Variants in TOGARAM2 observed in about 807,000 individuals in gnomAD.
TOGARAM2 encodes TOG array regulator of axonemal microtubules 2, also known as TOG array regulator of axonemal microtubules protein 2.
TOGARAM2 carries 85 observed loss-of-function variants against 93.3 expected under a neutral mutation model. The observed-to-expected ratio is 0.91, with a 90% CI of 0.76 to 1.09. TOGARAM2 has a LOEUF of 1.09. Ranked by LOEUF, TOGARAM2 falls within the 50% of genes least tolerant of loss-of-function variation. TOGARAM2 has a pLI of 0.00. For missense variants in TOGARAM2, 1,277 were observed against 1,334.5 expected, an observed-to-expected ratio of 0.96 and a Z score of 0.67; for synonymous variants, 593 against 552.8, an observed-to-expected ratio of 1.07 and a Z score of -1.02.
intron 1 of TOGARAM2, among the ~76,000 whole-genome samples, chr2:28,970,767 C>G (rs891251992): frequency 2.0e-5 from 3 of 152,216 alleles, no homozygotes; most frequent in Non-Finnish European, 4.4e-5. Context: ...ATGTCTCTGT[C>G]TGACTGTGGC....
chr2:28,993,911 C>T (rs577671294), intron 1 of TOGARAM2, among the ~76,000 whole-genome samples: 46 of 152,348 alleles, frequency 3.0e-4, no homozygotes, highest in Non-Finnish European at 4.8e-4. Context: ...GCTTTGTGGA[C>T]GAGAACTCCT....
intron 14 of TOGARAM2, among the ~76,000 whole-genome samples, chr2:29,032,148 A>G (rs1216002918): frequency 2.0e-5 from 3 of 152,170 alleles, no homozygotes; most frequent in African/African-American, 7.2e-5. Context: ...GTACAAATTG[A>G]ATCATTCTTC....
chr2:29,028,639 T>G (rs1215199334), intron 14 of TOGARAM2, among the ~76,000 whole-genome samples: 3 of 151,926 alleles, frequency 2.0e-5, no homozygotes, highest in Non-Finnish European at 4.4e-5. Flanking sequence ...AAAAAGCCTC[T>G]CTGGCTGCCG....
chr2:28,968,572 C>T (rs1241303909), intron 1 of TOGARAM2, among the ~76,000 whole-genome samples: 1 of 152,018 alleles, frequency 6.6e-6, no homozygotes, highest in African/African-American at 2.4e-5. Context: ...TTTGGGAGGC[C>T]AAGGTGGGTG....
chr2:29,036,787 C>T (rs749632769), intron 18 of TOGARAM2, 30 bp downstream of exon 18: 2 of 1,592,772 alleles, frequency 1.3e-6, no homozygotes, highest in Non-Finnish European at 1.7e-6. Context: ...CTGTGTGGCT[C>T]TGGTCACCAT....
intron 1 of TOGARAM2, among the ~76,000 whole-genome samples, chr2:28,957,473 G>A (rs929125314): frequency 6.6e-6 from 1 of 152,140 alleles, no homozygotes; most frequent in African/African-American, 2.4e-5. Flanking sequence ...AAGCCACTGC[G>A]CCTGGCCAAG....
rs1278533214 is a variant in TOGARAM2, at chr2:29,022,210, G to A, written c.1413G>A (p.Glu471=). 9 of 1,614,068 alleles carry A rather than the reference G, an allele frequency of 5.6e-6. No homozygotes were observed. In the Admixed American group the frequency reaches 8.3e-5, roughly 15 times the overall value. Residue 471 remains glutamate, a synonymous_variant, in exon 11 of 20, where the codon GAG becomes GAA. Coordinates refer to ENST00000379558, the MANE Select transcript of TOGARAM2 (RefSeq NM_199280.4). ...TGGGGTCTCCTGAATGGGAAGAAGAGGAGGAGATGGATCTTAGAGCCTGTA... is the reference window on the plus strand; with the variant it reads ...TGGGGTCTCCTGAATGGGAAGAAGAAGAGGAGATGGATCTTAGAGCCTGTA... ...LTLGSPEWEE[E]EEMDLRACKE...
intron 17 of TOGARAM2, 86 bp downstream of exon 17, chr2:29,035,742 C>A: frequency 8.1e-7 from 1 of 1,241,840 alleles, no homozygotes; most frequent in Non-Finnish European, 1.0e-6. Context: ...TGGCGTTGGA[C>A]ATGTGTCAGA....
chr2:28,976,829 G>C (rs1412994038), upstream of TOGARAM2, among the ~76,000 whole-genome samples: 1 of 152,224 alleles, frequency 6.6e-6, no homozygotes, highest in African/African-American at 2.4e-5. Flanking sequence ...GTTGGGAGGG[G>C]CCTGTTCTGT....
chr2:28,965,661 A>G lies in TOGARAM2; in HGVS notation c.-147+8964A>G, dbSNP rs372099560. Among the ~76,000 whole-genome samples, 16 of 152,292 alleles carry G rather than the reference A, an allele frequency of 1.1e-4. No individual in the cohort carries two copies. The South Asian group carries it at 3.3e-3, about 32-fold the overall frequency. On this transcript the variant is annotated intron_variant, in intron 1 of 6. Transcript: ENST00000401723. ...TTGTGCACATCTTAGTGTGGAGTAA[A>G]GACTCAAGAGGACTCCCATGCAGAC... is the stretch of plus-strand genomic sequence containing the variant.
At chr2:28,975,378 C>CG (rs1672012333) in intron 1 of TOGARAM2, among the ~76,000 whole-genome samples, 1 of 151,916 alleles carries the variant, frequency 6.6e-6, no homozygotes, top group Non-Finnish European at 1.5e-5. Flanking sequence ...TTAGTAGAGA[C>CG]GGGGTTTCAC....
chr2:29,005,276 G>T lies in TOGARAM2; in HGVS notation c.830+1594G>T, dbSNP rs528577249. On this transcript the variant is annotated intron_variant, in intron 6 of 19. Transcript: ENST00000379558. ...GTGAGTGCATGTGTGTGGAGTGTGTGTGCATATGTGTGTGTGTGCATGTGT... is the reference window on the plus strand; with the variant it reads ...GTGAGTGCATGTGTGTGGAGTGTGTTTGCATATGTGTGTGTGTGCATGTGT... 4.1e-5 allele frequency among the ~76,000 whole-genome samples: 6 copies of T among 147,206 alleles called. No individual in the cohort carries two copies. In the East Asian group the frequency reaches 1.0e-3, roughly 25 times the overall value.
intron 14 of TOGARAM2, among the ~76,000 whole-genome samples, chr2:29,031,765 C>T (rs968765802): frequency 6.6e-6 from 1 of 152,178 alleles, no homozygotes; most frequent in Admixed American, 6.5e-5. Context: ...AGAAAGATTG[C>T]CCTCACACAT....
At chr2:29,042,770 A>G (rs1271100070) in intron 18 of TOGARAM2, among the ~76,000 whole-genome samples, 1 of 152,082 alleles carries the variant, frequency 6.6e-6, no homozygotes, top group Non-Finnish European at 1.5e-5. Context: ...TCTCTCTTAC[A>G]GGGGGCAGTA....
intron 6 of TOGARAM2, among the ~76,000 whole-genome samples, chr2:29,004,757 A>AGT (rs200171554): frequency 2.1e-5 from 3 of 140,950 alleles, no homozygotes; most frequent in African/African-American, 5.5e-5. Context: ...TGTGTGTCTG[A>AGT]GTGTGTGTGT....
At chr2:29,017,647 G>A (rs1009550639) in intron 9 of TOGARAM2, 145 bp from the exon 10 acceptor site, 17 of 769,902 alleles carry the variant, frequency 2.2e-5, no homozygotes, top group Non-Finnish European at 3.2e-5. Context: ...CTGGCCTCAA[G>A]CCATCCTCCT....
intron 4 of TOGARAM2, among the ~76,000 whole-genome samples, chr2:29,002,060 A>C (rs982145966): frequency 6.6e-6 from 1 of 152,140 alleles, no homozygotes; most frequent in Non-Finnish European, 1.5e-5. Flanking sequence ...GTCTTAGACT[A>C]TGTTAGCTGT....
At chr2:28,957,795 T>C (rs1164120924) in intron 1 of TOGARAM2, among the ~76,000 whole-genome samples, 1 of 151,958 alleles carries the variant, frequency 6.6e-6, no homozygotes, top group Non-Finnish European at 1.5e-5. Context: ...TCTACAAGGG[T>C]GGGGAGGGTA....
At position 28,993,059 on chromosome 2, in the gene TOGARAM2, CAAAAA is replaced by C. The variant is rs59495138; in HGVS notation, c.-110-1651_-110-1647del. ...TGGGTGGCAGAGAGAGATTCTGTCT[CAAAAA>C]AAAAAAAAAAAAAATCAGAAGTTAA... is the stretch of plus-strand genomic sequence containing the variant. On this transcript the variant is annotated intron_variant, in intron 1 of 19. Coordinates refer to ENST00000379558, the MANE Select transcript of TOGARAM2 (RefSeq NM_199280.4). Among the ~76,000 whole-genome samples, 85 of 133,970 alleles carry C rather than the reference CAAAAA, an allele frequency of 6.3e-4. 3 individuals are homozygous for C. The highest frequency in any genetic ancestry group is 1.7e-3 in the South Asian group (7 of 4,088). 87.9% of individuals were successfully genotyped at this position (133,970 alleles called of 152,430 possible). A position where few individuals can be genotyped will look rare whatever the true frequency, so the allele number is the denominator to read the frequency against.
Sources: allele counts gnomAD v4.1 joint callset (sites outside exome capture counted in the v4.1 genomes callset), GRCh38; gene constraint gnomAD v4.1.1; transcripts MANE v1.5; gene names NCBI Gene and HGNC (gene_info 2026-07-23, HGNC 2026-07-21).